EPHA2: variants seen among roughly 807,000 people sequenced by gnomAD.
EPHA2 encodes the protein ephrin type-A receptor 2.
In EPHA2, 54 loss-of-function variants were observed where a neutral mutation model predicts 104.9. The observed-to-expected ratio is 0.51, with a 90% CI of 0.41 to 0.65. The LOEUF is 0.65. Ranked by LOEUF, EPHA2 falls within the 30% of genes least tolerant of loss-of-function variation. EPHA2 has a pLI of 0.00. For synonymous variants in EPHA2, 560 were observed against 559.1 expected (o/e 1.00, Z -0.02); for missense variants, 1,117 against 1,369.5 (o/e 0.82, Z 2.91).
At chr1:16,129,615 G>T (rs770409889) in intron 15 of EPHA2, 26 bp from the exon 16 acceptor site, 1 of 1,598,418 alleles carries the variant, frequency 6.3e-7, no homozygotes, top group South Asian at 1.1e-5. Context: ...CTGCAGGTGA[G>T]GGGCTGCAGC....
In EPHA2 at chr1:16,130,487, T is replaced by C. The variant is rs1215108487; in HGVS notation, c.2476-68A>G. The C allele has an allele frequency of 3.6e-5, 52 of 1,447,888 alleles. No individual in the cohort carries two copies. The highest frequency in any genetic ancestry group is 5.1e-4 in the Middle Eastern group (2 of 3,908). 89.7% of individuals were successfully genotyped at this position (1,447,888 alleles called of 1,614,324 possible). A position where few individuals can be genotyped will look rare whatever the true frequency, so the allele number is the denominator to read the frequency against. ...CTGAAACCCTCTGCAGCCTCCAGCCTATGGAGGTGGGCAGGGGAGGGGAGG... is the reference window on the plus strand; with the variant it reads ...CTGAAACCCTCTGCAGCCTCCAGCCCATGGAGGTGGGCAGGGGAGGGGAGG... On this transcript the variant is annotated intron_variant, in intron 14 of 16. Coordinates refer to ENST00000358432, the MANE Select transcript of EPHA2 (RefSeq NM_004431.5). The surrounding 1 kb of genome is among the most constrained non-coding windows in gnomAD (Gnocchi z 4.5).
intron 16 of EPHA2, among the ~76,000 whole-genome samples, chr1:16,127,808 G>T (rs1183152117): frequency 6.6e-6 from 1 of 152,154 alleles, no homozygotes; most frequent in Non-Finnish European, 1.5e-5. Flanking sequence ...TCACAACAAC[G>T]CGCACTGCAG....
Position 16,128,122 on chromosome 1 carries a change from T to C in EPHA2, c.2825+1312A>G, listed in dbSNP as rs1318047630. On this transcript the variant is annotated intron_variant, in intron 16 of 16. Coordinates refer to ENST00000358432, the MANE Select transcript of EPHA2 (RefSeq NM_004431.5). This position sits in a 1 kb window ranked among gnomAD's most constrained non-coding sequence, Gnocchi z 4.7. The stretch of plus-strand genomic sequence containing the variant: ...GAGGAAAAGAGGAGAGCAATGAGGA[T>C]TTAGCACCCACTGTATACCAGTCGT... Among the ~76,000 whole-genome samples the C allele has an allele frequency of 6.6e-6, 1 of 152,070 alleles. No homozygotes were observed. Among genetic ancestry groups the C allele is most frequent in the African/African-American group, 2.4e-5 (1 of 41,414 alleles).
At chr1:16,154,693 T>C (rs1480798256) in intron 1 of EPHA2, among the ~76,000 whole-genome samples, 2 of 139,280 alleles carry the variant, frequency 1.4e-5, no homozygotes, top group East Asian at 2.1e-4. Context: ...GAGGCAGAGG[T>C]TGCAGTGAGC....
intron 3 of EPHA2, among the ~76,000 whole-genome samples, chr1:16,140,112 C>T (rs2024794627): frequency 6.6e-6 from 1 of 152,226 alleles, no homozygotes; most frequent in African/African-American, 2.4e-5. Flanking sequence ...GAACAGGACT[C>T]AAAGGACACC....
rs370675280 is a variant in EPHA2 at position 16,130,236 on chromosome 1, A to C, written c.2659T>G (p.Phe887Val). The C allele has an allele frequency of 6.2e-7, 1 of 1,614,066 alleles. No homozygotes were observed. The highest frequency in any genetic ancestry group is 1.3e-5 in the African/African-American group (1 of 74,928). ...APDSLKTLAD[F>V]DPRVSIRLPS... ...GGGCATAGAACTCACCGGGGGTCAA[A>C]GTCAGCCAGGGTCTTGAGGGAGTCA... is the stretch of plus-strand genomic sequence containing the variant. Residue 887 changes from phenylalanine to valine, a missense_variant, in exon 15 of 17, where the codon TTT becomes GTT. By Grantham distance (50) the Phe-to-Val change is conservative (BLOSUM62 -1). Coordinates refer to ENST00000358432, the MANE Select transcript of EPHA2 (RefSeq NM_004431.5). This position sits in a 1 kb window ranked among gnomAD's most constrained non-coding sequence, Gnocchi z 4.5.
chr1:16,136,780 C>T (rs1454373374), intron 5 of EPHA2, among the ~76,000 whole-genome samples: 1 of 98,656 alleles, frequency 1.0e-5, no homozygotes. Flanking sequence ...GAAGAACTAA[C>T]TTTTGCTGAA....
chr1:16,124,387 C>T lies in EPHA2; in HGVS notation c.*828G>A, dbSNP rs2024428204. 1 of 152,534 alleles carries T rather than the reference C, an allele frequency of 6.6e-6. No individual in the cohort carries two copies. The highest frequency in any genetic ancestry group is 1.5e-5 in the Non-Finnish European group (1 of 68,026). The allele number at this position is 152,534 out of a possible 1,614,324, so 9.4% of individuals were successfully genotyped here. ...TTCCAGAGCAGAAATAAGTCATTTTCTAACAATAAATATAAAAAAAATAAT... is the reference window on the plus strand; with the variant it reads ...TTCCAGAGCAGAAATAAGTCATTTTTTAACAATAAATATAAAAAAAATAAT... On this transcript the variant is annotated 3_prime_UTR_variant, in exon 17 of 17. Transcript: ENST00000358432.
At position 16,148,915 on chromosome 1, in the gene EPHA2, T is replaced by C. The variant is rs1058371; in HGVS notation, c.286A>G (p.Ile96Val). Residue 96 changes from isoleucine to valine, a missense_variant, in exon 3 of 17, where the codon ATT (isoleucine) becomes GTT (valine). By Grantham distance (29) the Ile-to-Val change is conservative. This residue lies in a region of EPHA2 where 664 missense variants were observed against 784.8 expected (regional missense o/e 0.85). Coordinates refer to ENST00000358432, the MANE Select transcript of EPHA2 (RefSeq NM_004431.5). This position sits in a 1 kb window ranked among gnomAD's most constrained non-coding sequence, Gnocchi z 4.9. ...TCACGTACAGTAAACTTGAGCTCAATGAAGATACGCTCAGCCTCTCCTCGG... is the reference window on the plus strand; with the variant it reads ...TCACGTACAGTAAACTTGAGCTCAACGAAGATACGCTCAGCCTCTCCTCGG... ...VYRGEAERIF[I>V]ELKFTVRDCN... is the part of the protein sequence containing the mutation. The C allele has an allele frequency of 5.0e-6, 8 of 1,613,948 alleles. No individual in the cohort carries two copies. The highest frequency in any genetic ancestry group is 4.4e-5 in the South Asian group (4 of 91,084).
rs2024577056 is a variant in EPHA2, at chr1:16,131,921, G to A, written c.2326-51C>T. 1 of 1,604,878 alleles carries A rather than the reference G, an allele frequency of 6.2e-7. No homozygotes were observed. The highest frequency in any genetic ancestry group is 1.3e-5 in the African/African-American group (1 of 74,792). ...CACTGTGCCCTCTGGCTGGCCCCAG[G>A]ACCATTGCAGCCAAGCCCCACGACC... On this transcript the variant is annotated intron_variant, in intron 13 of 16. Transcript: ENST00000358432. The surrounding 1 kb of genome is among the most constrained non-coding windows in gnomAD (Gnocchi z 5.2).
intron 3 of EPHA2, among the ~76,000 whole-genome samples, chr1:16,145,267 C>A (rs368121952): frequency 2.4e-4 from 37 of 152,358 alleles, no homozygotes; most frequent in African/African-American, 8.2e-4. Flanking sequence ...ACTGTCCCCG[C>A]AGGCAGGGCC....
At position 16,125,276 on chromosome 1, in the gene EPHA2, C is replaced by A; in HGVS notation, c.2870G>T (p.Arg957Leu). ...GAGTCCCAGCAGGCTGTAGGCGATGCGCTTCTGGTGGCCGGGCAGCCGCAC... is the reference window on the plus strand; with the variant it reads ...GAGTCCCAGCAGGCTGTAGGCGATGAGCTTCTGGTGGCCGGGCAGCCGCAC... ...IGVRLPGHQK[R>L]IAYSLLGLKD... Residue 957 changes from arginine to leucine, a missense_variant, in exon 17 of 17, where the codon CGC becomes CTC. Coordinates refer to ENST00000358432, the MANE Select transcript of EPHA2 (RefSeq NM_004431.5). The surrounding 1 kb of genome is among the most constrained non-coding windows in gnomAD (Gnocchi z 4.9). The A allele has an allele frequency of 6.2e-7, 1 of 1,612,102 alleles. No individual in the cohort carries two copies.
In EPHA2 at chr1:16,130,199, A is replaced by G. The variant is rs780141008; in HGVS notation, c.2669+27T>C. 1 of 1,614,086 alleles carries G rather than the reference A, an allele frequency of 6.2e-7. No individual in the cohort carries two copies. Among genetic ancestry groups the G allele is most frequent in the Non-Finnish European group, 8.5e-7 (1 of 1,179,954 alleles). ...AGTCTGCAGAAGGAAAATTGAGGTCATCATGGGCAGAGGGCATAGAACTCA... is the reference window on the plus strand; with the variant it reads ...AGTCTGCAGAAGGAAAATTGAGGTCGTCATGGGCAGAGGGCATAGAACTCA... On this transcript the variant is annotated intron_variant, in intron 15 of 16. Coordinates refer to ENST00000358432, the MANE Select transcript of EPHA2 (RefSeq NM_004431.5). The surrounding 1 kb of genome is among the most constrained non-coding windows in gnomAD (Gnocchi z 4.5).
At chr1:16,126,218 C>T (rs1378583889) in intron 16 of EPHA2, among the ~76,000 whole-genome samples, 2 of 152,292 alleles carry the variant, frequency 1.3e-5, no homozygotes, top group South Asian at 4.1e-4. Context: ...CATGCCCCTC[C>T]GTCCCCTCAT....
Position 16,131,593 on chromosome 1 carries a change from A to G in EPHA2, c.2475+128T>C. 3 of 1,353,806 alleles carry G rather than the reference A, an allele frequency of 2.2e-6. No homozygotes were observed. The highest frequency in any genetic ancestry group is 3.0e-6 in the Non-Finnish European group (3 of 997,778). The allele number at this position is 1,353,806 out of a possible 1,614,324, so 83.9% of individuals were successfully genotyped here. A position where few individuals can be genotyped will look rare whatever the true frequency, so the allele number is the denominator to read the frequency against. ...AAAACTCCGTCTCCAAAAAAAAAAA[A>G]TAAACATTTATGGAGCAAGCCTAAG... On this transcript the variant is annotated intron_variant, in intron 14 of 16. Transcript: ENST00000358432. This position sits in a 1 kb window ranked among gnomAD's most constrained non-coding sequence, Gnocchi z 5.2.
chr1:16,155,043 G>A (rs1019995923), intron 1 of EPHA2, among the ~76,000 whole-genome samples: 1 of 152,062 alleles, frequency 6.6e-6, no homozygotes, highest in African/African-American at 2.4e-5. Context: ...GCGCGGCTCC[G>A]GGAACACTGG....
Position 16,133,163 on chromosome 1 carries a change from CA to C in EPHA2, c.2053+16del. ...GTGGCCCCTCTCCACCCAGTGTGGG[CA>C]GGCCCCAAGCCTCACATTTGGAGAT... On this transcript the variant is annotated intron_variant, in intron 11 of 16. Coordinates refer to ENST00000358432, the MANE Select transcript of EPHA2 (RefSeq NM_004431.5). The C allele has an allele frequency of 6.2e-7, 1 of 1,612,540 alleles. No homozygotes were observed. The highest frequency in any genetic ancestry group is 8.5e-7 in the Non-Finnish European group (1 of 1,179,808).
intron 1 of EPHA2, chr1:16,155,642 C>T: frequency 9.3e-6 from 4 of 430,574 alleles, no homozygotes; most frequent in Non-Finnish European, 1.6e-5. Flanking sequence ...TGCGACCAAG[C>T]TGAAACCGCT....
At chr1:16,138,794 G>A (rs1245081257) in intron 3 of EPHA2, among the ~76,000 whole-genome samples, 5 of 152,120 alleles carry the variant, frequency 3.3e-5, no homozygotes, top group East Asian at 3.9e-4. Context: ...GCTGCCCACC[G>A]GCCTCATCCC....
Sources: allele counts gnomAD v4.1 joint callset (sites outside exome capture counted in the v4.1 genomes callset), GRCh38; gene constraint gnomAD v4.1.1; regional missense constraint gnomAD v4.1.1; non-coding constraint Gnocchi (gnomAD v3.1); transcripts MANE v1.5; gene names NCBI Gene and HGNC (gene_info 2026-07-23, HGNC 2026-07-21).